The following GRID2 variants were observed in gnomAD, a reference collection of about 807,000 sequenced individuals.
GRID2 encodes the protein glutamate ionotropic receptor delta type subunit 2.
GRID2 carries 33 observed loss-of-function variants against 114.8 expected under a neutral mutation model. That is an observed-to-expected ratio of 0.29 (90% CI 0.22 to 0.38). GRID2 has a LOEUF of 0.38. Ranked by LOEUF, GRID2 falls within the 10% of genes least tolerant of loss-of-function variation. The pLI, the probability that GRID2 is intolerant of heterozygous loss-of-function variation, is 1.00. For missense variants in GRID2, 1,184 were observed against 1,257.7 expected (o/e 0.94, Z 0.89); for synonymous variants, 505 against 449.9 (o/e 1.12, Z -1.55).
intron 4 of GRID2, among the ~76,000 whole-genome samples, chr4:93,116,242 C>T (rs1197893094): frequency 4.6e-5 from 7 of 152,132 alleles, no homozygotes; most frequent in African/African-American, 1.7e-4. Flanking sequence ...TTTTTCCACT[C>T]TTCTACCTCT....
intron 2 of GRID2, among the ~76,000 whole-genome samples, chr4:92,608,242 A>C (rs1729554206): frequency 6.6e-6 from 1 of 151,854 alleles, no homozygotes; most frequent in Non-Finnish European, 1.5e-5. Context: ...CTAGTGGTGC[A>C]ATAGTGAATT....
chr4:92,703,846 C>T (rs1048203783), intron 2 of GRID2, among the ~76,000 whole-genome samples: 18 of 152,042 alleles, frequency 1.2e-4, no homozygotes, highest in African/African-American at 4.1e-4. Context: ...AGCACTTTTA[C>T]TTTTGTATAT....
intron 2 of GRID2, among the ~76,000 whole-genome samples, chr4:92,632,631 C>G (rs747927181): frequency 1.4e-5 from 2 of 147,260 alleles, no homozygotes; most frequent in Non-Finnish European, 1.5e-5. Flanking sequence ...GATTCTGTCT[C>G]GAAAGAAAGA....
At chr4:93,166,940 G>T (rs1432723740) in intron 4 of GRID2, among the ~76,000 whole-genome samples, 2 of 152,120 alleles carry the variant, frequency 1.3e-5, no homozygotes, top group African/African-American at 4.8e-5. Flanking sequence ...CCTTCAATTT[G>T]TAGTCCATTA....
chr4:92,464,436 A>G (rs935737661), intron 1 of GRID2, among the ~76,000 whole-genome samples: 2 of 152,278 alleles, frequency 1.3e-5, no homozygotes, highest in African/African-American at 4.8e-5. Flanking sequence ...AAGGATTTTG[A>G]GTAGGTATAT....
chr4:93,199,829 C>T (rs1741883278), intron 4 of GRID2, among the ~76,000 whole-genome samples: 1 of 152,130 alleles, frequency 6.6e-6, no homozygotes, highest in African/African-American at 2.4e-5. Flanking sequence ...AATAATACTC[C>T]AGTCTCCCTA....
chr4:92,688,786 T>C (rs7692227), intron 2 of GRID2, among the ~76,000 whole-genome samples: 43,266 of 152,092 alleles, frequency 0.28, 6,505 homozygotes, highest in East Asian at 0.43. Context: ...TCCCATGAAC[T>C]GTTAACGTTC....
chr4:93,477,033 T>C (rs1372228353), intron 11 of GRID2, among the ~76,000 whole-genome samples: 1 of 152,092 alleles, frequency 6.6e-6, no homozygotes, highest in South Asian at 2.1e-4. Flanking sequence ...AAATGAAATT[T>C]ATTTTATAGT....
intron 13 of GRID2, among the ~76,000 whole-genome samples, chr4:93,615,638 C>CGA (rs528767394): frequency 0.022 from 3,239 of 146,114 alleles, 54 homozygotes; most frequent in East Asian, 0.059. Flanking sequence ...GGCCTTCACC[C>CGA]CAAAAAAAAA....
At chr4:92,309,369 T>C (rs752690311) in intron 1 of GRID2, among the ~76,000 whole-genome samples, 1 of 152,034 alleles carries the variant, frequency 6.6e-6, no homozygotes, top group Non-Finnish European at 1.5e-5. Context: ...CACATTTCTA[T>C]TGGATCATCA....
chr4:93,614,767 T>G (rs1236703188), intron 13 of GRID2, among the ~76,000 whole-genome samples: 2 of 152,214 alleles, frequency 1.3e-5, no homozygotes, highest in Non-Finnish European at 2.9e-5. Context: ...TATTTACATT[T>G]GTAGTGTGTA....
At chr4:93,000,754 A>G (rs1454425135) in intron 2 of GRID2, among the ~76,000 whole-genome samples, 1 of 140,654 alleles carries the variant, frequency 7.1e-6, no homozygotes, top group Non-Finnish European at 1.5e-5. Context: ...ATATTCCATT[A>G]AGGGTACACA....
intron 13 of GRID2, among the ~76,000 whole-genome samples, chr4:93,620,131 G>A (rs1411206898): frequency 2.6e-5 from 4 of 152,162 alleles, no homozygotes; most frequent in African/African-American, 7.2e-5. Flanking sequence ...AAATAAATGT[G>A]TATGTAAATG....
chr4:93,219,621 A>C (rs765734874), intron 6 of GRID2, among the ~76,000 whole-genome samples: 21 of 152,302 alleles, frequency 1.4e-4, no homozygotes, highest in South Asian at 4.1e-4. Context: ...GCATTTCACA[A>C]ATTTTTTAAT....
At chr4:93,201,990 T>C (rs963002893) in intron 4 of GRID2, among the ~76,000 whole-genome samples, 1 of 152,162 alleles carries the variant, frequency 6.6e-6, no homozygotes, top group African/African-American at 2.4e-5. Flanking sequence ...GATAGTTTAA[T>C]TTGTTATAAT....
At chr4:92,916,753 T>C (rs1005709999) in intron 2 of GRID2, among the ~76,000 whole-genome samples, 1 of 152,210 alleles carries the variant, frequency 6.6e-6, no homozygotes, top group Non-Finnish European at 1.5e-5. Flanking sequence ...CTTAATCCAG[T>C]CTATCATTGT....
intron 4 of GRID2, among the ~76,000 whole-genome samples, chr4:93,172,068 T>C (rs1379251765): frequency 1.3e-5 from 2 of 152,218 alleles, no homozygotes; most frequent in African/African-American, 4.8e-5. Context: ...AATTGGGCCA[T>C]GATATCCTTC....
chr4:92,379,446 C>T (rs1729511202), intron 1 of GRID2, among the ~76,000 whole-genome samples: 1 of 151,906 alleles, frequency 6.6e-6, no homozygotes, highest in South Asian at 2.1e-4. Context: ...TATGTACTTT[C>T]AGCTGTTGTA....
chr4:92,946,784 T>A (rs1255577523), intron 2 of GRID2, among the ~76,000 whole-genome samples: 4 of 152,092 alleles, frequency 2.6e-5, no homozygotes, highest in Non-Finnish European at 2.9e-5. Context: ...AAGAACTTGG[T>A]AAAGCACTGG....
Sources: gnomAD v4.1 joint callset for allele counts (sites outside exome capture counted in the v4.1 genomes callset) on GRCh38, gnomAD v4.1.1 for gene constraint, MANE v1.5 for transcripts, NCBI Gene and HGNC (gene_info 2026-07-23, HGNC 2026-07-21) for gene names.